Variants in DYNC2LI1 observed in about 807,000 individuals in gnomAD.
The protein encoded by DYNC2LI1 is cytoplasmic dynein 2 light intermediate chain 1.
In DYNC2LI1, 45 loss-of-function variants were observed where a neutral mutation model predicts 51.9. The observed-to-expected ratio is 0.87, with a 90% confidence interval of 0.68 to 1.11. The LOEUF (loss-of-function observed/expected upper bound fraction) is 1.11, where lower values mean the gene tolerates loss of function less well. Ranked by LOEUF, DYNC2LI1 falls within the 50% of genes most tolerant of loss-of-function variation. The probability of loss-of-function intolerance (pLI) is 0.00; values close to 1 mark genes in which losing one functional copy is unlikely to be tolerated. For missense variants in DYNC2LI1, 490 were observed against 417.4 expected (o/e 1.17, Z -1.51); for synonymous variants, 130 against 137.8 (o/e 0.94, Z 0.40).
chr2:43,774,501 G>A (rs763279909), intron 1 of DYNC2LI1, among the ~76,000 whole-genome samples: 1 of 152,150 alleles, frequency 6.6e-6, no homozygotes, highest in Non-Finnish European at 1.5e-5. Flanking sequence ...CTGGTGCGGG[G>A]GTTCGCAGTA....
the DYNC2LI1 span, chr2:43,826,441 C>T: frequency 1.2e-6 from 2 of 1,614,124 alleles, no homozygotes; most frequent in Non-Finnish European, 1.7e-6. Context: ...TTCCTGCGAG[C>T]CAGTTCCACC....
intron 3 of DYNC2LI1, among the ~76,000 whole-genome samples, chr2:43,784,695 A>C (rs1483550158): frequency 6.6e-6 from 1 of 152,014 alleles, no homozygotes; most frequent in Non-Finnish European, 1.5e-5. Flanking sequence ...CGGCCTCCCA[A>C]AGTACTGGGA....
rs8302 is a variant in DYNC2LI1, at chr2:43,809,774, T to C, written c.*7T>C. 280,833 of 1,605,688 alleles carry C rather than the reference T, an allele frequency of 0.17. 26,027 individuals carry two copies. The highest frequency in any genetic ancestry group is 0.27 in the African/African-American group (19,872 of 74,636). Reference sequence around the variant, plus strand: ...AATCGAGCTTGATTCTTGAACCTATTTCAATTATTGTATATTTATTTCTTC... The same window carrying C: ...AATCGAGCTTGATTCTTGAACCTATCTCAATTATTGTATATTTATTTCTTC... On this transcript the variant is annotated 3_prime_UTR_variant, in exon 13 of 13. Coordinates refer to ENST00000260605, the MANE Select transcript of DYNC2LI1 (RefSeq NM_016008.4).
chr2:43,824,423 G>A, the DYNC2LI1 span: 85 of 1,613,776 alleles, frequency 5.3e-5, no homozygotes, highest in East Asian at 1.1e-4. Context: ...ATCCACTGAC[G>A]TCAGGTCCAC....
At chr2:43,795,358 G>T (rs1673984610) in intron 6 of DYNC2LI1, among the ~76,000 whole-genome samples, 1 of 152,066 alleles carries the variant, frequency 6.6e-6, no homozygotes, top group Non-Finnish European at 1.5e-5. Context: ...ACTAAAATTA[G>T]CTGGGTGTGG....
At chr2:43,800,748 T>C (rs1666049614) in intron 8 of DYNC2LI1, 93 bp from the exon 9 acceptor site, 1 of 612,674 alleles carries the variant, frequency 1.6e-6, no homozygotes, top group Admixed American at 3.3e-5. Flanking sequence ...TGATTCTCTT[T>C]GTAATCTGTA....
the DYNC2LI1 span, chr2:43,820,136 G>A: frequency 6.3e-7 from 1 of 1,597,792 alleles, no homozygotes; most frequent in South Asian, 1.1e-5. Flanking sequence ...TCCTCTCCAA[G>A]GGCTATCATT....
chr2:43,812,243 TTAAA>T (rs1403943064), downstream of DYNC2LI1, among the ~76,000 whole-genome samples: 1 of 152,150 alleles, frequency 6.6e-6, no homozygotes, highest in Non-Finnish European at 1.5e-5. Context: ...TATATGGACT[TTAAA>T]TAACAGCTGA....
chr2:43,815,962 G>A, the DYNC2LI1 span, among the ~76,000 whole-genome samples: 1 of 150,334 alleles, frequency 6.7e-6, no homozygotes, highest in Non-Finnish European at 1.5e-5. Context: ...ACTATGAGAT[G>A]ACAAAGGCCT....
intron 7 of DYNC2LI1, 70 bp downstream of exon 7, chr2:43,796,028 AAAT>A: frequency 9.6e-7 from 1 of 1,039,868 alleles, no homozygotes; most frequent in East Asian, 2.4e-5. Flanking sequence ...GGAGGTACAA[AAAT>A]AATATCAAAA....
chr2:43,801,746 A>C (rs765020609), intron 10 of DYNC2LI1, 37 bp downstream of exon 10: 4 of 1,499,228 alleles, frequency 2.7e-6, no homozygotes, highest in Admixed American at 3.5e-5. Context: ...ATCTTTTTTT[A>C]ATTGCTTATT....
intron 6 of DYNC2LI1, 21 bp from the exon 7 acceptor site, chr2:43,795,869 A>G (rs1262433445): frequency 6.3e-7 from 1 of 1,597,224 alleles, no homozygotes; most frequent in Non-Finnish European, 8.6e-7. Flanking sequence ...CAACAACTCA[A>G]GGAAATATGT....
chr2:43,823,838 CT>C, the DYNC2LI1 span: 11 of 1,540,316 alleles, frequency 7.1e-6, no homozygotes, highest in African/African-American at 1.4e-5. Flanking sequence ...TAATGGTAGA[CT>C]TTTGTAAGGT....
rs752351797 is a variant in DYNC2LI1, at chr2:43,794,532, A to G, written c.396A>G (p.Gln132=). 9.3e-6 allele frequency: 15 copies of G among 1,613,980 alleles called. No individual in the cohort carries two copies. In the East Asian group the frequency reaches 3.1e-4, roughly 34 times the overall value. Residue 132 remains glutamine (Q), a synonymous_variant, in exon 6 of 13, where the codon CAA becomes CAG. Coordinates refer to ENST00000260605, the MANE Select transcript of DYNC2LI1 (RefSeq NM_016008.4). ...DLWPTMENLL[Q]ATKSHVDKVI... ...GGCCCACCATGGAAAATCTCTTGCA[A>G]GCCACAAAAAGCCATGTAGACAAAG...
chr2:43,794,906 T>C, intron 6 of DYNC2LI1: 1 of 1,372,902 alleles, frequency 7.3e-7, no homozygotes, highest in Non-Finnish European at 9.4e-7. Flanking sequence ...AGTTTTAAAG[T>C]AGTGGTTTGA....
chr2:43,803,348 A>T (rs537814391), intron 10 of DYNC2LI1, among the ~76,000 whole-genome samples: 22 of 152,352 alleles, frequency 1.4e-4, no homozygotes, highest in African/African-American at 5.3e-4. Context: ...CATACAAAGG[A>T]ACAAATAATT....
chr2:43,780,775 A>C (rs1320752872), intron 2 of DYNC2LI1, among the ~76,000 whole-genome samples: 1 of 152,070 alleles, frequency 6.6e-6, no homozygotes, highest in Non-Finnish European at 1.5e-5. Flanking sequence ...TCAGAGTTCC[A>C]GGGATAATGG....
At chr2:43,782,011 ATG>A (rs72178749) in intron 2 of DYNC2LI1, among the ~76,000 whole-genome samples, 3,563 of 147,372 alleles carry the variant, frequency 0.024, 75 homozygotes, top group African/African-American at 0.063. Context: ...GTTTCTGTCT[ATG>A]TGTGTGTGTG....
At chr2:43,823,374 T>G in the DYNC2LI1 span, among the ~76,000 whole-genome samples, 1 of 139,270 alleles carries the variant, frequency 7.2e-6, no homozygotes, top group Non-Finnish European at 1.5e-5. Context: ...TTGCCCCTCA[T>G]GTCAAGCTCT....
Sources: allele counts gnomAD v4.1 joint callset (sites outside exome capture counted in the v4.1 genomes callset), GRCh38; gene constraint gnomAD v4.1.1; transcripts MANE v1.5; gene names NCBI Gene and HGNC (gene_info 2026-07-23, HGNC 2026-07-21).